Variants in SUSD4 observed in about 807,000 individuals in gnomAD.
The protein encoded by SUSD4 is sushi domain-containing protein 4.
SUSD4 carries 41 observed loss-of-function variants against 50.5 expected under a neutral mutation model. The observed-to-expected ratio is 0.81, with a 90% confidence interval of 0.63 to 1.05. The LOEUF (loss-of-function observed/expected upper bound fraction) is 1.05. Among genes scored for constraint, SUSD4 ranks in the 50% least tolerant of loss-of-function variants. The pLI, the probability that SUSD4 is intolerant of heterozygous loss-of-function variation, is 0.00. For missense variants in SUSD4, 580 were observed against 634.7 expected (o/e 0.91, Z 0.93); for synonymous variants, 257 against 257.3 (o/e 1.00, Z 0.01).
chr1:223,323,780 T>C (rs1399908673), intron 2 of SUSD4, among the ~76,000 whole-genome samples: 1 of 152,158 alleles, frequency 6.6e-6, no homozygotes, highest in Non-Finnish European at 1.5e-5. Flanking sequence ...AAGGCCAGGA[T>C]GCTCTGGCCC....
intron 2 of SUSD4, 146 bp downstream of exon 2, chr1:223,363,132 T>C: frequency 2.0e-6 from 2 of 1,012,816 alleles, no homozygotes; most frequent in Non-Finnish European, 2.6e-6. Flanking sequence ...AGGGCGGCCA[T>C]AGGCTGGGAC....
At position 223,231,798 on chromosome 1, in the gene SUSD4, C is replaced by G. The variant is rs1397164518; in HGVS notation, c.725-2410G>C. Among the ~76,000 whole-genome samples, 1 of 152,158 alleles carries G rather than the reference C, an allele frequency of 6.6e-6. No individual in the cohort carries two copies. Among genetic ancestry groups the G allele is most frequent in the East Asian group, 1.9e-4 (1 of 5,180 alleles). On this transcript the variant is annotated intron_variant, in intron 5 of 8. Coordinates refer to ENST00000366878, the MANE Select transcript of SUSD4 (RefSeq NM_017982.4). The surrounding 1 kb of genome is among the most constrained non-coding windows in gnomAD (Gnocchi z 4.2). ...ACAAGGAAGGGGTCTCCAGTGGCCC[C>G]GGGACTGCCTGGGGGCCCCCTTCCC... is the stretch of plus-strand genomic sequence containing the variant.
chr1:223,235,176 T>C (rs1660136208), intron 5 of SUSD4: 1 of 1,428,072 alleles, frequency 7.0e-7, no homozygotes, highest in Non-Finnish European at 9.4e-7. Context: ...CTAAAGCCCT[T>C]TTCTTTCTAA....
intron 2 of SUSD4, among the ~76,000 whole-genome samples, chr1:223,309,523 G>A (rs192149471): frequency 1.1e-3 from 170 of 152,286 alleles, no homozygotes; most frequent in Non-Finnish European, 1.7e-3. Context: ...AGGGGCTACC[G>A]TGAGTAGGAC....
Position 223,266,943 on chromosome 1 carries a change from G to A in SUSD4, c.535+1559C>T, listed in dbSNP as rs116346969. 3.7e-3 allele frequency among the ~76,000 whole-genome samples: 565 copies of A among 152,372 alleles called. 4 individuals are homozygous for A. Among genetic ancestry groups the A allele is most frequent in the African/African-American group, 0.013 (543 of 41,586 alleles). On this transcript the variant is annotated intron_variant, in intron 4 of 8. Transcript: ENST00000366878. ...CTTTCTGTGCAGCAAGATGTGGGGT[G>A]CACTAGAGGGTAGGGCACAGGCCAG...
chr1:223,229,157 G>A lies in SUSD4; in HGVS notation c.916+40C>T, dbSNP rs1421267727. On this transcript the variant is annotated intron_variant, in intron 6 of 8. Coordinates refer to ENST00000366878, the MANE Select transcript of SUSD4 (RefSeq NM_017982.4). The surrounding 1 kb of genome is among the most constrained non-coding windows in gnomAD (Gnocchi z 4.7). ...ACCCACTATGTGCAGATGGTCCAAG[G>A]AGGGTCCATCTCCTCCAAGGGTGAG... 1 of 1,559,932 alleles carries A rather than the reference G, an allele frequency of 6.4e-7. No individual in the cohort carries two copies. Among genetic ancestry groups the A allele is most frequent in the African/African-American group, 1.4e-5 (1 of 74,052 alleles).
chr1:223,342,350 G>C (rs78868457), intron 2 of SUSD4, among the ~76,000 whole-genome samples: 1 of 152,190 alleles, frequency 6.6e-6, no homozygotes, highest in Non-Finnish European at 1.5e-5. Flanking sequence ...CCATTTTTCT[G>C]AGAATACTAT....
At chr1:223,302,963 C>T (rs372211732) in intron 2 of SUSD4, among the ~76,000 whole-genome samples, 12 of 152,250 alleles carry the variant, frequency 7.9e-5, no homozygotes, top group African/African-American at 2.6e-4. Flanking sequence ...CACAACAAGA[C>T]CACATCTCTA....
intron 6 of SUSD4, among the ~76,000 whole-genome samples, chr1:223,228,030 G>C (rs185636491): frequency 2.0e-5 from 3 of 152,364 alleles, no homozygotes; most frequent in East Asian, 1.9e-4. Flanking sequence ...TAATGCATCT[G>C]CCTCTTGAGA....
intron 3 of SUSD4, among the ~76,000 whole-genome samples, chr1:223,290,425 C>T (rs1247744538): frequency 2.0e-5 from 3 of 152,172 alleles, no homozygotes; most frequent in Non-Finnish European, 4.4e-5. Context: ...CTTTCAAAGA[C>T]CAACAAAATT....
chr1:223,352,976 A>G (rs1668448625), intron 2 of SUSD4, among the ~76,000 whole-genome samples: 1 of 151,642 alleles, frequency 6.6e-6, no homozygotes, highest in South Asian at 2.1e-4. Context: ...GGACCTCCGG[A>G]GCACCTATAA....
intron 2 of SUSD4, among the ~76,000 whole-genome samples, chr1:223,338,462 T>C (rs190272832): frequency 6.9e-4 from 105 of 152,324 alleles, no homozygotes; most frequent in African/African-American, 2.5e-3. Flanking sequence ...TTGTGTGCTA[T>C]GCTTTGGAGT....
chr1:223,254,776 G>A (rs1661578069), intron 5 of SUSD4, among the ~76,000 whole-genome samples: 1 of 152,172 alleles, frequency 6.6e-6, no homozygotes, highest in Admixed American at 6.5e-5. Flanking sequence ...AGAAGAGGAG[G>A]AAGCTACAGT....
chr1:223,260,662 T>C (rs537756637), intron 5 of SUSD4, among the ~76,000 whole-genome samples: 14 of 152,370 alleles, frequency 9.2e-5, no homozygotes, highest in African/African-American at 3.4e-4. Context: ...ACAGCCATCA[T>C]TCTGGTTCAA....
At chr1:223,317,713 TTATTA>T (rs1424048656) in intron 2 of SUSD4, among the ~76,000 whole-genome samples, 2 of 152,104 alleles carry the variant, frequency 1.3e-5, no homozygotes, top group Admixed American at 6.5e-5. Flanking sequence ...AGGAAATTTA[TTATTA>T]TATTTATGAT....
chr1:223,250,670 T>C (rs1206243422), intron 5 of SUSD4, among the ~76,000 whole-genome samples: 2 of 152,090 alleles, frequency 1.3e-5, no homozygotes, highest in Non-Finnish European at 2.9e-5. Context: ...TGCTAAGACA[T>C]GTATTATGCA....
chr1:223,233,333 GGAGCGTTTC>G (rs1660012516), intron 5 of SUSD4, among the ~76,000 whole-genome samples: 1 of 152,078 alleles, frequency 6.6e-6, no homozygotes, highest in Non-Finnish European at 1.5e-5. Flanking sequence ...GTAGGGGGTG[GGAGCGTTTC>G]TTTTAACTTG....
At chr1:223,311,156 G>A (rs1046105991) in intron 2 of SUSD4, among the ~76,000 whole-genome samples, 4 of 152,212 alleles carry the variant, frequency 2.6e-5, no homozygotes, top group African/African-American at 9.6e-5. Flanking sequence ...GATGGATGCC[G>A]AGGAAAAAGC....
intron 2 of SUSD4, among the ~76,000 whole-genome samples, chr1:223,312,434 GCAC>G (rs1250469911): frequency 1.3e-5 from 2 of 152,130 alleles, no homozygotes; most frequent in East Asian, 3.9e-4. Context: ...TGGGGAAAGG[GCAC>G]CTGGCTCCAA....
Sources: gnomAD v4.1 joint callset for allele counts (sites outside exome capture counted in the v4.1 genomes callset) on GRCh38, gnomAD v4.1.1 for gene constraint, Gnocchi (gnomAD v3.1) non-coding constraint, MANE v1.5 for transcripts, NCBI Gene and HGNC (gene_info 2026-07-23, HGNC 2026-07-21) for gene names.